The following TF variants were observed in gnomAD, a reference collection of about 807,000 sequenced individuals.
TF encodes the protein serotransferrin.
A neutral mutation model predicts 82.4 loss-of-function variants in TF; 55 were observed. That is an observed-to-expected ratio of 0.67 (90% CI 0.54 to 0.84). TF has a LOEUF of 0.84. Among genes scored for constraint, TF ranks in the 40% least tolerant of loss-of-function variants. TF has a pLI of 0.00. For missense variants in TF, 737 were observed against 868.4 expected, an observed-to-expected ratio of 0.85 and a Z score of 1.90; for synonymous variants, 332 against 332.6, an observed-to-expected ratio of 1.00 and a Z score of 0.02.
At chr3:133,668,472 TTGATACTGACCAA>T in the TF span, among the ~76,000 whole-genome samples, 3 of 152,172 alleles carry the variant, frequency 2.0e-5, no homozygotes, top group Non-Finnish European at 4.4e-5. Context: ...AACTTCAAAA[TTGATACTGACCAA>T]TGATGGCTAT....
At chr3:133,764,758 T>C (rs1934084202) in intron 10 of TF, 117 bp from the exon 11 acceptor site, 5 of 971,682 alleles carry the variant, frequency 5.1e-6, no homozygotes, top group Non-Finnish European at 6.5e-6. Context: ...ATTGATGACA[T>C]GTATAGATAA....
In TF at chr3:133,779,799, C is replaced by A. The variant is rs1051280175; in HGVS notation, c.*1179C>A. 11 of 152,280 alleles carry A rather than the reference C, an allele frequency of 7.2e-5. No homozygotes were observed. The highest frequency in any genetic ancestry group is 1.3e-4 in the Admixed American group (2 of 15,280). 9.4% of individuals were successfully genotyped at this position (152,280 alleles called of 1,614,324 possible). A position where few individuals can be genotyped will look rare whatever the true frequency, so the allele number is the denominator to read the frequency against. On this transcript the variant is annotated 3_prime_UTR_variant, in exon 17 of 17. Transcript: ENST00000402696. The stretch of plus-strand genomic sequence containing the variant: ...AGTCTTGCAGCAGTCAGAAACCCAA[C>A]AAATCAAAAATTGAAGTGATCATCC...
the TF span, among the ~76,000 whole-genome samples, chr3:133,702,530 G>A: frequency 1.3e-5 from 2 of 151,816 alleles, no homozygotes; most frequent in South Asian, 2.1e-4. Context: ...GGGTGACAGA[G>A]CAAGACCCTG....
the TF span, among the ~76,000 whole-genome samples, chr3:133,705,481 T>C: frequency 0.75 from 113,790 of 151,994 alleles, 43,047 homozygotes; most frequent in Non-Finnish European, 0.81. Flanking sequence ...TCCCTCTCTT[T>C]CCCTTCAATG....
At chr3:133,738,274 A>G in the TF span, among the ~76,000 whole-genome samples, 26 of 152,340 alleles carry the variant, frequency 1.7e-4, no homozygotes, top group South Asian at 5.4e-3. Flanking sequence ...CTTTCATGCT[A>G]AAAACTCGCA....
the TF span, among the ~76,000 whole-genome samples, chr3:133,726,914 T>G: frequency 6.6e-6 from 1 of 152,176 alleles, no homozygotes; most frequent in Non-Finnish European, 1.5e-5. Context: ...TTTTGTTATG[T>G]ACCCAGTAGT....
At chr3:133,734,641 A>G in the TF span, among the ~76,000 whole-genome samples, 1 of 152,248 alleles carries the variant, frequency 6.6e-6, no homozygotes, top group Non-Finnish European at 1.5e-5. Flanking sequence ...TAAGCATAGA[A>G]GAAGTGATAT....
chr3:133,736,631 C>CAAAAAAAAAAAAAAAAAAAAAAAA, the TF span, among the ~76,000 whole-genome samples: 13 of 32,560 alleles, frequency 4.0e-4, no homozygotes, highest in Non-Finnish European at 4.9e-4. Flanking sequence ...AATGGAAAGC[C>CAAAAAAAAAAAAAAAAAAAAAAAA]AAAAAAAAAA....
the TF span, among the ~76,000 whole-genome samples, chr3:133,723,350 T>C: frequency 6.6e-6 from 1 of 152,046 alleles, no homozygotes; most frequent in Non-Finnish European, 1.5e-5. Flanking sequence ...TTAGCTATTA[T>C]TTCATTAAAT....
intron 5 of TF, chr3:133,755,805 G>A (rs1238659246): frequency 2.1e-6 from 1 of 487,388 alleles, no homozygotes; most frequent in Admixed American, 3.3e-5. Context: ...TGCCTCTAGT[G>A]TCTGGGCCCA....
chr3:133,750,610 A>C (rs2107909565), intron 2 of TF, among the ~76,000 whole-genome samples: 1 of 152,154 alleles, frequency 6.6e-6, no homozygotes, highest in Non-Finnish European at 1.5e-5. Context: ...GGAACCCTGC[A>C]GCTCTAGGGC....
At chr3:133,662,413 G>T in the TF span, 1 of 152,266 alleles carries the variant, frequency 6.6e-6, no homozygotes, top group African/African-American at 2.4e-5. Flanking sequence ...TCTGACTACG[G>T]ACTGGGTGGT....
chr3:133,689,755 A>G, the TF span, among the ~76,000 whole-genome samples: 1 of 152,222 alleles, frequency 6.6e-6, no homozygotes, highest in Non-Finnish European at 1.5e-5. Flanking sequence ...CTACCTAATT[A>G]TCTACGTGAT....
At chr3:133,778,514 TC>T in intron 16 of TF, 71 bp from the exon 17 acceptor site, 1 of 1,539,520 alleles carries the variant, frequency 6.5e-7, no homozygotes, top group Non-Finnish European at 9.0e-7. Context: ...CTGAAATTGT[TC>T]AATCACTCGA....
rs1426067219 is a variant in TF, at chr3:133,782,806, A to C, written c.*4186A>C. ...CCCCATCTCTGCAAAAAAAAAAAAA[A>C]AAACAAAAAAAACCCCAAAAAACCA... On this transcript the variant is annotated 3_prime_UTR_variant, in exon 17 of 17. Coordinates refer to ENST00000402696, the MANE Select transcript of TF (RefSeq NM_001063.4). The C allele has an allele frequency of 2.6e-5, 4 of 151,808 alleles. No individual in the cohort carries two copies. Among genetic ancestry groups the C allele is most frequent in the East Asian group, 3.9e-4 (2 of 5,194 alleles). 9.4% of individuals were successfully genotyped at this position (151,808 alleles called of 1,614,324 possible). A position where few individuals can be genotyped will look rare whatever the true frequency, so the allele number is the denominator to read the frequency against.
Position 133,789,768 on chromosome 3 carries a change from A to G in TF, c.*11148A>G, listed in dbSNP as rs1934781129. On this transcript the variant is annotated 3_prime_UTR_variant, in exon 17 of 17. Coordinates refer to ENST00000402696, the MANE Select transcript of TF (RefSeq NM_001063.4). ...AATGCCTTCAGAATTGTCAGCATATATTTTTGTCTGGGTTTTATATTTGTC... is the reference window on the plus strand; with the variant it reads ...AATGCCTTCAGAATTGTCAGCATATGTTTTTGTCTGGGTTTTATATTTGTC... The G allele has an allele frequency of 6.7e-6, 1 of 150,300 alleles. No individual in the cohort carries two copies. Among genetic ancestry groups the G allele is most frequent in the Non-Finnish European group, 1.5e-5 (1 of 67,860 alleles). 9.3% of individuals were successfully genotyped at this position (150,300 alleles called of 1,614,324 possible). A position where few individuals can be genotyped will look rare whatever the true frequency, so the allele number is the denominator to read the frequency against.
At chr3:133,759,714 G>A (rs1933938680) in intron 9 of TF, among the ~76,000 whole-genome samples, 1 of 152,114 alleles carries the variant, frequency 6.6e-6, no homozygotes, top group African/African-American at 2.4e-5. Context: ...ATCCTAGCCT[G>A]GCATGGTGGC....
upstream of TF, among the ~76,000 whole-genome samples, chr3:133,742,804 C>T (rs1161948573): frequency 6.6e-6 from 1 of 152,138 alleles, no homozygotes. Context: ...GTTCAGAGGC[C>T]CACTGCTTTC....
rs1251700365 is a variant in TF, at chr3:133,782,522, A to G, written c.*3902A>G. On this transcript the variant is annotated 3_prime_UTR_variant, in exon 17 of 17. Transcript: ENST00000402696. ...GAAACTGGAGGATATTAAGTGAAAT[A>G]AGGCAGATACAGAAAGAAAAATATT... The G allele has an allele frequency of 1.3e-5, 2 of 152,218 alleles. No homozygotes were observed. Among genetic ancestry groups the G allele is most frequent in the Non-Finnish European group, 2.9e-5 (2 of 68,052 alleles). 9.4% of individuals were successfully genotyped at this position (152,218 alleles called of 1,614,324 possible).
Sources: allele counts gnomAD v4.1 joint callset (sites outside exome capture counted in the v4.1 genomes callset), GRCh38; gene constraint gnomAD v4.1.1; transcripts MANE v1.5; gene names NCBI Gene and HGNC (gene_info 2026-07-23, HGNC 2026-07-21).